Variants in FBXO17 observed in about 807,000 individuals in gnomAD.
FBXO17 encodes F-box only protein 17.
FBXO17 carries 43 observed loss-of-function variants against 34.1 expected under a neutral mutation model. That is an observed-to-expected ratio of 1.26 (90% CI 0.99 to 1.62). The LOEUF (loss-of-function observed/expected upper bound fraction) is 1.62, where lower values mean the gene tolerates loss of function less well. Ranked by LOEUF, FBXO17 falls within the 40% of genes most tolerant of loss-of-function variation. FBXO17 has a pLI of 0.00. For missense variants in FBXO17, 424 were observed against 386.7 expected (o/e 1.10, Z -0.81); for synonymous variants, 169 against 166.0 (o/e 1.02, Z -0.14).
At chr19:38,948,228 G>A (rs1237456747) in intron 3 of FBXO17, among the ~76,000 whole-genome samples, 4 of 151,802 alleles carry the variant, frequency 2.6e-5, no homozygotes, top group East Asian at 1.9e-4. Context: ...TGCCCACCTC[G>A]GGCTCTCAAA....
chr19:38,942,894 G>A (rs1414862530), intron 5 of FBXO17, 143 bp from the exon 6 acceptor site: 2 of 1,004,484 alleles, frequency 2.0e-6, no homozygotes, highest in Non-Finnish European at 1.4e-6. Flanking sequence ...AACCGGAAAA[G>A]GACCCCGCCC....
At position 38,942,614 on chromosome 19, in the gene FBXO17, C is replaced by A. The variant is rs761180277; in HGVS notation, c.831G>T (p.Leu277=). 6.4e-7 allele frequency: 1 copy of A among 1,573,408 alleles called. No homozygotes were observed. The highest frequency in any genetic ancestry group is 2.4e-5 in the East Asian group (1 of 41,492). The change falls in exon 6 of 6, where the codon CTG becomes CTT. Residue 277 remains leucine, a synonymous_variant. Transcript: ENST00000292852. ...THSSVRVRIR[L]S is the part of the protein sequence containing the mutation. ...TCAGGCAGTAGTCCAGTCGCTAGGACAGACGGATCCTGACCCTCACACTGG... is the reference window on the plus strand; with the variant it reads ...TCAGGCAGTAGTCCAGTCGCTAGGAAAGACGGATCCTGACCCTCACACTGG...
rs1974896441 is a variant in FBXO17, at chr19:38,942,142, A to T, written c.*466T>A. Reference sequence around the variant, plus strand: ...TGAACAGCCTGGTTTGTCACACAGCATGATGGCCACCACACTGAAGCAGCA... The same window carrying T: ...TGAACAGCCTGGTTTGTCACACAGCTTGATGGCCACCACACTGAAGCAGCA... On this transcript the variant is annotated 3_prime_UTR_variant, in exon 6 of 6. Coordinates refer to ENST00000292852, the MANE Select transcript of FBXO17 (RefSeq NM_024907.7). The T allele has an allele frequency of 6.6e-6, 1 of 152,350 alleles. No individual in the cohort carries two copies. The highest frequency in any genetic ancestry group is 1.5e-5 in the Non-Finnish European group (1 of 68,196). 9.4% of individuals were successfully genotyped at this position (152,350 alleles called of 1,614,324 possible). A position where few individuals can be genotyped will look rare whatever the true frequency, so the allele number is the denominator to read the frequency against.
intron 1 of FBXO17, among the ~76,000 whole-genome samples, chr19:38,960,162 C>G (rs566736920): frequency 6.6e-6 from 1 of 152,064 alleles, no homozygotes; most frequent in African/African-American, 2.4e-5. Flanking sequence ...TTTTTTGAGG[C>G]CAGAGACCTT....
chr19:38,972,610 A>C (rs2144847592), intron 1 of FBXO17, among the ~76,000 whole-genome samples: 1 of 151,350 alleles, frequency 6.6e-6, no homozygotes, highest in South Asian at 2.1e-4. Flanking sequence ...AGTTTGTGCT[A>C]CTGTATACAT....
rs1299760870 is a variant in FBXO17 at position 38,966,294 on chromosome 19, TG to T, written c.-18+9291del. Among the ~76,000 whole-genome samples, 4 of 13,398 alleles carry T rather than the reference TG, an allele frequency of 3.0e-4. No homozygotes were observed. In the African/African-American group the frequency reaches 5.7e-3, roughly 19 times the overall value. The allele number at this position is 13,398 out of a possible 152,430, so 8.8% of individuals were successfully genotyped here. A position where few individuals can be genotyped will look rare whatever the true frequency, so the allele number is the denominator to read the frequency against. On this transcript the variant is annotated intron_variant, in intron 1 of 5. Coordinates refer to ENST00000292852, the MANE Select transcript of FBXO17 (RefSeq NM_024907.7). ...CAACATTCTCTTAAATTAAAAATTT[TG>T]TGTGTGTGTGTGTGTGTGTGTGTGT...
chr19:38,947,240 TTG>T (rs1200752079), intron 3 of FBXO17: 3 of 152,358 alleles, frequency 2.0e-5, no homozygotes, highest in Admixed American at 6.5e-5. Context: ...ATAACATAAA[TTG>T]TGCAGTATTG....
chr19:38,974,272 G>C (rs887641271), intron 1 of FBXO17, among the ~76,000 whole-genome samples: 8 of 151,644 alleles, frequency 5.3e-5, no homozygotes, highest in African/African-American at 1.5e-4. Context: ...AGTAGAGACG[G>C]GGTTCATGTT....
rs1198051960 is a variant in FBXO17 at position 38,942,643 on chromosome 19, G to A, written c.802C>T (p.His268Tyr). ...WVGHYGALVT[H>Y]SSVRVRIRLS ...CGGATCCTGACCCTCACACTGGAGT[G>A]GGTCACAAGGGCGCCATAGTGCCCC... Residue 268 changes from histidine to tyrosine, a missense_variant, in exon 6 of 6, where the codon CAC becomes TAC. Physicochemically the swap from His to Tyr is moderately conservative, Grantham distance 83. Transcript: ENST00000292852. 2.5e-6 allele frequency: 4 copies of A among 1,594,196 alleles called. No homozygotes were observed. Among genetic ancestry groups the A allele is most frequent in the Admixed American group, 3.6e-5 (2 of 55,900 alleles).
intron 1 of FBXO17, among the ~76,000 whole-genome samples, chr19:38,962,756 A>C (rs1014469083): frequency 3.9e-4 from 58 of 149,998 alleles, no homozygotes; most frequent in Non-Finnish European, 1.6e-4. Context: ...TCTCTCTGTC[A>C]CCCAGGCTGG....
chr19:38,944,403 C>T (rs1009956438), intron 5 of FBXO17, among the ~76,000 whole-genome samples: 3 of 152,034 alleles, frequency 2.0e-5, no homozygotes, highest in Non-Finnish European at 4.4e-5. Context: ...TCACCATGCC[C>T]GTCTAATTTT....
In FBXO17 at chr19:38,952,452, C is replaced by T. The variant is rs1767397390; in HGVS notation, c.-17-2116G>A. The T allele has an allele frequency of 1.4e-5, 7 of 491,972 alleles. No individual in the cohort carries two copies. In the Admixed American group the frequency reaches 1.6e-4, roughly 11 times the overall value. The allele number at this position is 491,972 out of a possible 1,614,324, so 30.5% of individuals were successfully genotyped here. A position where few individuals can be genotyped will look rare whatever the true frequency, so the allele number is the denominator to read the frequency against. On this transcript the variant is annotated intron_variant, in intron 1 of 5. Coordinates refer to ENST00000292852, the MANE Select transcript of FBXO17 (RefSeq NM_024907.7). Reference sequence around the variant, plus strand: ...CATTCCTACCACCTTCTTGCTCTAACTGGAACCCAGCTCTCCTGTGGGCCT... The same window carrying T: ...CATTCCTACCACCTTCTTGCTCTAATTGGAACCCAGCTCTCCTGTGGGCCT...
Position 38,950,013 on chromosome 19 carries a change from C to G in FBXO17, c.307G>C (p.Ala103Pro). The G allele has an allele frequency of 1.3e-6, 2 of 1,558,732 alleles. No homozygotes were observed. The highest frequency in any genetic ancestry group is 1.7e-6 in the Non-Finnish European group (2 of 1,153,246). Residue 103 changes from alanine (A) to proline (P), a missense_variant, in exon 2 of 6, where the codon GCG becomes CCG. Physicochemically the swap from Ala to Pro is conservative, Grantham distance 27. Transcript: ENST00000292852. ...LCALARYCLR[A>P]PFGRNLIFNS... ...AAGATGAGATTGCGGCCGAAGGGCG[C>G]GCGCAGACAGTAGCGCGCCAGGGCG... is the stretch of plus-strand genomic sequence containing the variant.
At chr19:38,954,354 C>G (rs150365043) in intron 1 of FBXO17, among the ~76,000 whole-genome samples, 18 of 147,856 alleles carry the variant, frequency 1.2e-4, no homozygotes, top group African/African-American at 4.2e-4. Context: ...ACTGCAACCT[C>G]CACCTCCTGG....
intron 1 of FBXO17, among the ~76,000 whole-genome samples, chr19:38,958,141 G>C (rs1435050181): frequency 6.6e-6 from 1 of 150,814 alleles, no homozygotes; most frequent in Non-Finnish European, 1.5e-5. Flanking sequence ...GCCAGTCACA[G>C]TGGCTCATGC....
Position 38,942,606 on chromosome 19 carries a change from C to T in FBXO17, c.*2G>A, listed in dbSNP as rs373093662. 47 of 1,568,472 alleles carry T rather than the reference C, an allele frequency of 3.0e-5. No homozygotes were observed. Among genetic ancestry groups the T allele is most frequent in the South Asian group, 6.0e-5 (5 of 83,810 alleles). On this transcript the variant is annotated 3_prime_UTR_variant, in exon 6 of 6. Transcript: ENST00000292852. ...TGACAACGTCAGGCAGTAGTCCAGT[C>T]GCTAGGACAGACGGATCCTGACCCT...
intron 1 of FBXO17, 97 bp from the exon 2 acceptor site, chr19:38,950,433 A>T: frequency 1.5e-6 from 2 of 1,365,796 alleles, no homozygotes; most frequent in South Asian, 3.4e-5. Flanking sequence ...TGCTCGAGAG[A>T]CCCCATTAGG....
chr19:38,947,803 A>T (rs1975007869), intron 3 of FBXO17, among the ~76,000 whole-genome samples: 1 of 150,666 alleles, frequency 6.6e-6, no homozygotes, highest in African/African-American at 2.4e-5. Context: ...GGCTCAAGAG[A>T]TCCTCCCACT....
At chr19:38,963,291 C>T (rs1390884800) in intron 1 of FBXO17, among the ~76,000 whole-genome samples, 2 of 140,250 alleles carry the variant, frequency 1.4e-5, no homozygotes, top group Non-Finnish European at 3.0e-5. Flanking sequence ...GTGTGATTCA[C>T]TCATACTTTT....
Sources: gnomAD v4.1 joint callset for allele counts (sites outside exome capture counted in the v4.1 genomes callset) on GRCh38, gnomAD v4.1.1 for gene constraint, MANE v1.5 for transcripts, NCBI Gene and HGNC (gene_info 2026-07-23, HGNC 2026-07-21) for gene names.